Variants in A1BG observed in about 807,000 individuals in gnomAD.
The protein encoded by A1BG is alpha-1-B glycoprotein, also known as alpha-1B-glycoprotein.
A neutral mutation model predicts 46.0 loss-of-function variants in A1BG; 44 were observed. That is an observed-to-expected ratio of 0.96 (90% CI 0.75 to 1.23). The LOEUF (loss-of-function observed/expected upper bound fraction) is 1.23, where lower values mean the gene tolerates loss of function less well. Among genes scored for constraint, A1BG ranks in the 50% most tolerant of loss-of-function variants. The pLI is 0.00. For missense variants in A1BG, 707 were observed against 688.8 expected (o/e 1.03, Z -0.30); for synonymous variants, 316 against 314.7 (o/e 1.00, Z -0.04).
Position 58,346,825 on chromosome 19 carries a change from G to C in A1BG, c.*197C>G. On this transcript the variant is annotated 3_prime_UTR_variant, in exon 8 of 8. Coordinates refer to ENST00000263100, the MANE Select transcript of A1BG (RefSeq NM_130786.4). ...TCCACTTTGAGGACACGAGATCCCA[G>C]CCCACTCAGCCCTGGGAGTCCAAAG... The C allele has an allele frequency of 1.4e-6, 1 of 710,724 alleles. No individual in the cohort carries two copies. Among genetic ancestry groups the C allele is most frequent in the Non-Finnish European group, 2.6e-6 (1 of 390,588 alleles). The allele number at this position is 710,724 out of a possible 1,614,324, so 44.0% of individuals were successfully genotyped here.
chr19:58,353,003 C>G lies in A1BG; in HGVS notation c.265G>C (p.Gly89Arg), dbSNP rs750376779. The change falls in exon 3 of 8, where the codon GGC becomes CGC. Residue 89 changes from glycine to arginine, a missense_variant. Physicochemically the swap from Gly to Arg is moderately radical, Grantham distance 125. Coordinates refer to ENST00000263100, the MANE Select transcript of A1BG (RefSeq NM_130786.4). ...AAGCCCGAGCGGCAGCGGTAGCGGCCCTGGGTGTCACCCGTCAGCAGGAAC... is the reference window on the plus strand; with the variant it reads ...AAGCCCGAGCGGCAGCGGTAGCGGCGCTGGGTGTCACCCGTCAGCAGGAAC... ...HQFLLTGDTQ[G>R]RYRCRSGLST... The G allele has an allele frequency of 3.1e-6, 5 of 1,614,024 alleles. No homozygotes were observed. Among genetic ancestry groups the G allele is most frequent in the Non-Finnish European group, 4.2e-6 (5 of 1,180,018 alleles).
rs748152096 is a variant in A1BG, at chr19:58,352,289, C to T, written c.607G>A (p.Glu203Lys). Residue 203 changes from glutamate to lysine, a missense_variant, in exon 4 of 8, where the codon GAG (glutamate) becomes AAG (lysine). By Grantham distance (56) the Glu-to-Lys change is moderately conservative. Transcript: ENST00000263100. ...AGATGGTTCCCACAGTCACCGAGCT[C>T]CTCAATGGTCACAGTAGCGCTGGGC... ...SEPSATVTIE[E>K]LAAPPPPVLM... The T allele has an allele frequency of 2.5e-6, 4 of 1,613,676 alleles. No homozygotes were observed. Among genetic ancestry groups the T allele is most frequent in the Non-Finnish European group, 3.4e-6 (4 of 1,179,958 alleles).
In A1BG at chr19:58,347,429, G is replaced by C. The variant is rs752678090; in HGVS notation, c.1404C>G (p.Tyr468Ter). ...IFVGPQHAGNYRCRYRSWVPH... is the reference protein window; with the variant it reads ...IFVGPQHAGN The stretch of plus-strand genomic sequence containing the variant: ...GCACCCAGGAGCGGTAGCGGCACCT[G>C]TAGTTGCCGGCGTGCTGGGGCCCCA... Residue 468 changes from tyrosine to a stop codon, truncating the protein, a stop_gained, in exon 7 of 8, where the codon TAC becomes TAG. Transcript: ENST00000263100. LOFTEE classifies it high-confidence loss of function. 3 of 1,610,220 alleles carry C rather than the reference G, an allele frequency of 1.9e-6. No individual in the cohort carries two copies. In the East Asian group the frequency reaches 6.7e-5, roughly 36 times the overall value.
chr19:58,348,527 C>A (rs1475471764), intron 6 of A1BG: 1 of 152,196 alleles, frequency 6.6e-6, no homozygotes, highest in African/African-American at 2.4e-5. Context: ...ACTAGCCCAG[C>A]CTAGCAGAAA....
chr19:58,347,316 A>C, intron 7 of A1BG, 37 bp downstream of exon 7: 1 of 1,607,304 alleles, frequency 6.2e-7, no homozygotes, highest in Non-Finnish European at 8.5e-7. Context: ...AAACATCAGC[A>C]GACGGAACCA....
At chr19:58,352,853 A>T in intron 3 of A1BG, 75 bp downstream of exon 3, 1 of 1,529,050 alleles carries the variant, frequency 6.5e-7, no homozygotes, top group African/African-American at 1.4e-5. Flanking sequence ...ACATCGGGTG[A>T]CTTGGAGGAA....
chr19:58,350,202 C>T (rs2051944365), intron 6 of A1BG, 168 bp downstream of exon 6: 1 of 898,968 alleles, frequency 1.1e-6, no homozygotes, highest in African/African-American at 1.7e-5. Context: ...TTCCAGGCGT[C>T]CCCAGACCCT....
At position 58,353,125 on chromosome 19, in the gene A1BG, G is replaced by A. The variant is rs7256067; in HGVS notation, c.143C>T (p.Thr48Met). Residue 48 changes from threonine (T) to methionine (M), a missense_variant, in exon 3 of 8, where the codon ACG (threonine) becomes ATG (methionine). Physicochemically the swap from Thr to Met is moderately conservative, Grantham distance 81 (BLOSUM62 -1). Coordinates refer to ENST00000263100, the MANE Select transcript of A1BG (RefSeq NM_130786.4). ...LLKPLANVTLTCQAHLETPDF... is the reference protein window; with the variant it reads ...LLKPLANVTLMCQAHLETPDF... ...TGGAGTCTCCAGGTGGGCCTGGCAC[G>A]TCAGCGTCACATTGGCCAAGGGTTT... The A allele has an allele frequency of 6.4e-5, 104 of 1,614,138 alleles. No homozygotes were observed. The African/African-American group carries it at 7.3e-4, about 11-fold the overall frequency.
chr19:58,347,638 G>C lies in A1BG; in HGVS notation c.1195C>G (p.Pro399Ala). The change falls in exon 7 of 8, where the codon CCC becomes GCC. Residue 399 changes from proline (P) to alanine (A), a missense_variant and splice_region_variant. Transcript: ENST00000263100. Reference protein sequence around the residue: ...SERLELHVDGPPPRPQLRATW... With the variant: ...SERLELHVDGAPPRPQLRATW... ...GCCCGGAGCTGAGGCCTGGGAGGGG[G>C]TCCTGGGCGGAGCGGGCGGGTGGTC... is the stretch of plus-strand genomic sequence containing the variant. 2 of 1,411,876 alleles carry C rather than the reference G, an allele frequency of 1.4e-6. No individual in the cohort carries two copies. Among genetic ancestry groups the C allele is most frequent in the East Asian group, 2.9e-5 (1 of 34,642 alleles). 87.5% of individuals were successfully genotyped at this position (1,411,876 alleles called of 1,614,324 possible). A position where few individuals can be genotyped will look rare whatever the true frequency, so the allele number is the denominator to read the frequency against.
chr19:58,350,291 CAAGG>C (rs2051945426), intron 6 of A1BG, 75 bp downstream of exon 6: 1 of 1,450,260 alleles, frequency 6.9e-7, no homozygotes. Context: ...GTCGGACGCC[CAAGG>C]AAAGAGGGGA....
In A1BG at chr19:58,352,541, G is replaced by A; in HGVS notation, c.355C>T (p.Pro119Ser). 6.2e-7 allele frequency: 1 copy of A among 1,609,282 alleles called. No homozygotes were observed. The highest frequency in any genetic ancestry group is 8.5e-7 in the Non-Finnish European group (1 of 1,179,970). Residue 119 changes from proline (P) to serine (S), a missense_variant, in exon 4 of 8, where the codon CCC becomes TCC. Physicochemically the swap from Pro to Ser is moderately conservative, Grantham distance 74 (BLOSUM62 -1). Coordinates refer to ENST00000263100, the MANE Select transcript of A1BG (RefSeq NM_130786.4). ...ELTGPKSLPAPWLSMAPVSWI... is the reference protein window; with the variant it reads ...ELTGPKSLPASWLSMAPVSWI... ...GACACTGGCGCCATCGAGAGCCAGG[G>A]AGCAGGCAAGGACTCTGTGGGTGGG...
rs750325654 is a variant in A1BG, at chr19:58,351,431, C to T, written c.870G>A (p.Trp290Ter). The T allele has an allele frequency of 1.9e-6, 3 of 1,613,276 alleles. No individual in the cohort carries two copies. The highest frequency in any genetic ancestry group is 1.7e-5 in the Admixed American group (1 of 60,002). ...GCTCGACCGGCGCGCTGTCCCCGGA[C>T]CAGCCGTTTTGGTTGTCATGCAGCC... is the stretch of plus-strand genomic sequence containing the variant. ...RYRLHDNQNGWSGDSAPVELI... is the reference protein window; with the variant it reads ...RYRLHDNQNG Residue 290 changes from tryptophan (W) to a stop codon, truncating the protein, a stop_gained, in exon 5 of 8, where the codon TGG becomes TGA. Transcript: ENST00000263100. LOFTEE classifies it high-confidence loss of function.
Position 58,350,637 on chromosome 19 carries a change from G to A in A1BG, c.925C>T (p.Pro309Ser), listed in dbSNP as rs2051949417. Reference sequence around the variant, plus strand: ...GACTCCGGCTCCGGGGAGAACTCCGGCGCGGGCAGCGTCTCTGCGGAGCAG... The same window carrying A: ...GACTCCGGCTCCGGGGAGAACTCCGACGCGGGCAGCGTCTCTGCGGAGCAG... The part of the protein sequence containing the change: ...LILSDETLPA[P>S]EFSPEPESGR... The change falls in exon 6 of 8, where the codon CCG becomes TCG. Residue 309 changes from proline (P) to serine (S), a missense_variant. Coordinates refer to ENST00000263100, the MANE Select transcript of A1BG (RefSeq NM_130786.4). 4 of 1,414,074 alleles carry A rather than the reference G, an allele frequency of 2.8e-6. No individual in the cohort carries two copies. The highest frequency in any genetic ancestry group is 2.8e-6 in the Non-Finnish European group (3 of 1,088,860). The allele number at this position is 1,414,074 out of a possible 1,614,324, so 87.6% of individuals were successfully genotyped here. A position where few individuals can be genotyped will look rare whatever the true frequency, so the allele number is the denominator to read the frequency against.
chr19:58,347,688 GCCCCAGGCCACA>G (rs746134225), intron 6 of A1BG, 48 bp from the exon 7 acceptor site: 605 of 1,025,812 alleles, frequency 5.9e-4, no homozygotes, highest in Admixed American at 2.0e-3. Flanking sequence ...CCCAGGCCAC[GCCCCAGGCCACA>G]CCCCAGGCCA....
chr19:58,346,890 T>G lies in A1BG; in HGVS notation c.*132A>C. ...GCCTCTCTTCACATTTATTAATTCC[T>G]GGGAGGAATGAGGGAGGCTTCTCCA... On this transcript the variant is annotated 3_prime_UTR_variant, in exon 8 of 8. Coordinates refer to ENST00000263100, the MANE Select transcript of A1BG (RefSeq NM_130786.4). 1.1e-6 allele frequency: 1 copy of G among 949,188 alleles called. No homozygotes were observed. Among genetic ancestry groups the G allele is most frequent in the Non-Finnish European group, 1.7e-6 (1 of 573,874 alleles). The allele number at this position is 949,188 out of a possible 1,614,324, so 58.8% of individuals were successfully genotyped here. A position where few individuals can be genotyped will look rare whatever the true frequency, so the allele number is the denominator to read the frequency against.
rs2051955441 is a variant in A1BG, at chr19:58,351,285, T to C, written c.910+106A>G. 1.1e-5 allele frequency: 15 copies of C among 1,423,474 alleles called. No individual in the cohort carries two copies. The Admixed American group carries it at 1.3e-4, about 12-fold the overall frequency. The allele number at this position is 1,423,474 out of a possible 1,614,324, so 88.2% of individuals were successfully genotyped here. On this transcript the variant is annotated intron_variant, in intron 5 of 7. Transcript: ENST00000263100. ...GGCGGGTGGGCGGATAAAGTTGGTA[T>C]TGGACCCTGGCCCAGAGCACTGCAC...
At chr19:58,351,270 C>G (rs913224496) in intron 5 of A1BG, 121 bp downstream of exon 5, 69 of 1,237,508 alleles carry the variant, frequency 5.6e-5, no homozygotes, top group Middle Eastern at 2.8e-4. Context: ...GGCGGGTGGG[C>G]GGATAAAGTT....
At position 58,352,288 on chromosome 19, in the gene A1BG, T is replaced by C. The variant is rs1429880286; in HGVS notation, c.608A>G (p.Glu203Gly). Residue 203 changes from glutamate to glycine, a missense_variant, in exon 4 of 8, where the codon GAG (glutamate) becomes GGG (glycine). Physicochemically the swap from Glu to Gly is moderately conservative, Grantham distance 98. Transcript: ENST00000263100. The stretch of plus-strand genomic sequence containing the variant: ...GAGATGGTTCCCACAGTCACCGAGC[T>C]CCTCAATGGTCACAGTAGCGCTGGG... ...SEPSATVTIE[E>G]LAAPPPPVLM... 4 of 1,613,034 alleles carry C rather than the reference T, an allele frequency of 2.5e-6. No individual in the cohort carries two copies. The highest frequency in any genetic ancestry group is 3.4e-6 in the Non-Finnish European group (4 of 1,179,702).
At position 58,353,387 on chromosome 19, in the gene A1BG, AC is replaced by A; in HGVS notation, c.34+16del. 1 of 1,612,028 alleles carries A rather than the reference AC, an allele frequency of 6.2e-7. No individual in the cohort carries two copies. Among genetic ancestry groups the A allele is most frequent in the Non-Finnish European group, 8.5e-7 (1 of 1,179,196 alleles). ...GCCCCCTCCCGCCCCAGGGACCCAG[AC>A]CCCAGGAGGCCTCACCCCACAGCAA... On this transcript the variant is annotated intron_variant, in intron 1 of 7. Coordinates refer to ENST00000263100, the MANE Select transcript of A1BG (RefSeq NM_130786.4).
Sources: allele counts gnomAD v4.1 joint callset, GRCh38; gene constraint gnomAD v4.1.1; transcripts MANE v1.5; gene names NCBI Gene and HGNC (gene_info 2026-07-23, HGNC 2026-07-21).